Variants in GREM2 observed in about 807,000 individuals in gnomAD.
The protein encoded by GREM2 is gremlin 2, DAN family BMP antagonist, also known as gremlin-2.
GREM2 carries 11 observed loss-of-function variants against 14.2 expected under a neutral mutation model. The ratio of observed to expected loss-of-function variants is 0.78; its 90% CI spans 0.49 to 1.28. The LOEUF (loss-of-function observed/expected upper bound fraction) is 1.28. Ranked by LOEUF, GREM2 falls within the 50% of genes most tolerant of loss-of-function variation. The probability of loss-of-function intolerance (pLI) is 0.00; values close to 1 mark genes in which losing one functional copy is unlikely to be tolerated. For missense variants in GREM2, 210 were observed against 218.5 expected (o/e 0.96, Z 0.24); for synonymous variants, 98 against 97.6 (o/e 1.00, Z -0.02).
intron 1 of GREM2, among the ~76,000 whole-genome samples, chr1:240,511,394 A>G (rs984432438): frequency 6.6e-6 from 1 of 152,256 alleles, no homozygotes; most frequent in African/African-American, 2.4e-5. Flanking sequence ...GATGATTTAG[A>G]GTACACGAGA....
intron 1 of GREM2, among the ~76,000 whole-genome samples, chr1:240,507,385 C>T (rs1677701748): frequency 6.7e-6 from 1 of 149,716 alleles, no homozygotes; most frequent in South Asian, 2.2e-4. Context: ...GGCTGGAGTG[C>T]AGTGGTGCAA....
chr1:240,567,267 T>G (rs1410595236), intron 1 of GREM2, among the ~76,000 whole-genome samples: 1 of 152,012 alleles, frequency 6.6e-6, no homozygotes, highest in Non-Finnish European at 1.5e-5. Context: ...AGAAGAAGAA[T>G]AATTGAAAAA....
intron 1 of GREM2, among the ~76,000 whole-genome samples, chr1:240,585,028 T>G (rs1273176772): frequency 2.6e-5 from 4 of 152,118 alleles, no homozygotes; most frequent in Non-Finnish European, 4.4e-5. Flanking sequence ...AAGATGACAT[T>G]AAAAATGAAG....
At chr1:240,557,206 T>C (rs1437368166) in intron 1 of GREM2, among the ~76,000 whole-genome samples, 1 of 150,368 alleles carries the variant, frequency 6.7e-6, no homozygotes, top group Admixed American at 6.6e-5. Context: ...AAAATTAAGA[T>C]AAAATAAAAT....
At chr1:240,538,474 G>A (rs936370935) in intron 1 of GREM2, among the ~76,000 whole-genome samples, 12 of 152,058 alleles carry the variant, frequency 7.9e-5, no homozygotes, top group African/African-American at 2.9e-4. Flanking sequence ...AGTGGAGGTG[G>A]GTGAATCACT....
At chr1:240,592,992 A>T (rs149667607) in intron 1 of GREM2, among the ~76,000 whole-genome samples, 288 of 151,390 alleles carry the variant, frequency 1.9e-3, no homozygotes, top group African/African-American at 6.8e-3. Flanking sequence ...AAAAAAAAAA[A>T]AAATTAGCCG....
intron 1 of GREM2, among the ~76,000 whole-genome samples, chr1:240,580,884 T>C (rs1402400132): frequency 1.3e-5 from 2 of 152,210 alleles, no homozygotes; most frequent in Non-Finnish European, 2.9e-5. Flanking sequence ...AGATATCCAA[T>C]ATATTGCCTA....
chr1:240,572,004 G>T (rs922684310), intron 1 of GREM2, among the ~76,000 whole-genome samples: 1 of 152,114 alleles, frequency 6.6e-6, no homozygotes, highest in Non-Finnish European at 1.5e-5. Context: ...GCCAATTCCA[G>T]CAGGGAGTTT....
chr1:240,597,050 G>A (rs16840428), intron 1 of GREM2, among the ~76,000 whole-genome samples: 1 of 152,072 alleles, frequency 6.6e-6, no homozygotes, highest in Non-Finnish European at 1.5e-5. Flanking sequence ...CAGAAACGGA[G>A]TATTACTACT....
At chr1:240,581,129 A>T (rs1295951981) in intron 1 of GREM2, among the ~76,000 whole-genome samples, 1 of 152,058 alleles carries the variant, frequency 6.6e-6, no homozygotes, top group African/African-American at 2.4e-5. Context: ...GCATGCCTGT[A>T]GTCCCAGCTA....
intron 1 of GREM2, among the ~76,000 whole-genome samples, chr1:240,550,165 A>C (rs982194452): frequency 6.6e-6 from 1 of 152,000 alleles, no homozygotes; most frequent in East Asian, 1.9e-4. Context: ...TGGGATTACA[A>C]GCATGGGCCA....
intron 1 of GREM2, among the ~76,000 whole-genome samples, chr1:240,552,164 T>G (rs1678865791): frequency 6.6e-6 from 1 of 152,214 alleles, no homozygotes; most frequent in Non-Finnish European, 1.5e-5. Flanking sequence ...TTCAGTCCTC[T>G]GCCTTCAGTA....
intron 1 of GREM2, among the ~76,000 whole-genome samples, chr1:240,591,070 A>G (rs149566197): frequency 0.016 from 2,420 of 151,800 alleles, 36 homozygotes; most frequent in Non-Finnish European, 0.025. Context: ...GTGAGCCACC[A>G]TGCCCAGCCA....
intron 1 of GREM2, among the ~76,000 whole-genome samples, chr1:240,552,142 G>A (rs1461589276): frequency 6.6e-6 from 1 of 152,208 alleles, no homozygotes; most frequent in Non-Finnish European, 1.5e-5. Flanking sequence ...GTGATGGTGA[G>A]ATGATACCAA....
intron 1 of GREM2, among the ~76,000 whole-genome samples, chr1:240,594,128 AT>A (rs1679768246): frequency 6.6e-6 from 1 of 151,736 alleles, no homozygotes; most frequent in African/African-American, 2.4e-5. Context: ...TAATTTTTTG[AT>A]TTTTTGTAGA....
At position 240,596,707 on chromosome 1, in the gene GREM2, A is replaced by C. The variant is rs552572653; in HGVS notation, c.-2+15177T>G. ...AAAAAACTCTGTCAAAAAAAAAAAAACACACAAGGTGACTCAATCTATTTC... is the reference window on the plus strand; with the variant it reads ...AAAAAACTCTGTCAAAAAAAAAAAACCACACAAGGTGACTCAATCTATTTC... On this transcript the variant is annotated intron_variant, in intron 1 of 1. Coordinates refer to ENST00000318160, the MANE Select transcript of GREM2 (RefSeq NM_022469.4). Among the ~76,000 whole-genome samples the C allele has an allele frequency of 4.1e-4, 62 of 151,766 alleles. No individual in the cohort carries two copies. The East Asian group carries it at 0.011, about 27-fold the overall frequency.
At chr1:240,503,120 A>G (rs909310969) in intron 1 of GREM2, among the ~76,000 whole-genome samples, 1 of 152,226 alleles carries the variant, frequency 6.6e-6, no homozygotes, top group Non-Finnish European at 1.5e-5. Context: ...CAAAATGGAA[A>G]GCAACTGGAT....
intron 1 of GREM2, among the ~76,000 whole-genome samples, chr1:240,607,378 T>C (rs902702894): frequency 4.6e-5 from 7 of 152,190 alleles, no homozygotes; most frequent in African/African-American, 1.2e-4. Flanking sequence ...AAAAAAAGTC[T>C]TAATACTATT....
intron 1 of GREM2, among the ~76,000 whole-genome samples, chr1:240,591,485 G>A (rs890284149): frequency 1.1e-4 from 16 of 152,214 alleles, no homozygotes; most frequent in Non-Finnish European, 2.9e-5. Flanking sequence ...GTACAGAAGA[G>A]CTTACGTCTT....
Sources: allele counts gnomAD v4.1 joint callset (sites outside exome capture counted in the v4.1 genomes callset), GRCh38; gene constraint gnomAD v4.1.1; transcripts MANE v1.5; gene names NCBI Gene and HGNC (gene_info 2026-07-23, HGNC 2026-07-21).